The following TTN variants were observed in gnomAD, a reference collection of about 807,000 sequenced individuals.
TTN encodes connectin.
Under a neutral mutation model 3,223.0 loss-of-function variants are expected in TTN, and 1,525 were observed. The ratio of observed to expected loss-of-function variants is 0.47; its 90% CI spans 0.45 to 0.49. TTN has a LOEUF of 0.49. TTN is among the 20% of genes least tolerant of loss of function. The pLI, the probability that TTN is intolerant of heterozygous loss-of-function variation, is 0.00. For missense variants in TTN, 40,786 were observed against 43,424.0 expected, an observed-to-expected ratio of 0.94 and a Z score of 5.40; for synonymous variants, 14,094 against 15,161.0, an observed-to-expected ratio of 0.93 and a Z score of 5.17.
At position 178,653,042 on chromosome 2, in the gene TTN, T is replaced by G. The variant is rs760578741; in HGVS notation, c.38874A>C (p.Lys12958Asn). 6.8e-6 allele frequency: 11 copies of G among 1,613,194 alleles called. No individual in the cohort carries two copies. Among genetic ancestry groups the G allele is most frequent in the Non-Finnish European group, 9.3e-6 (11 of 1,179,506 alleles). ...AAGCCTAAAGCCAGTGACAAATACC[T>G]TTAACAGGTGGGACTTCAGGTTTTT... ...PPKKPEVPPV[K>N]VPEAPIEVVP... Residue 12958 changes from lysine to asparagine, a missense_variant and splice_region_variant, in exon 199 of 363, where the codon AAA becomes AAC. Transcript: ENST00000589042.
intron 13 of TTN, among the ~76,000 whole-genome samples, chr2:178,788,981 C>A (rs74557428): frequency 6.6e-6 from 1 of 151,944 alleles, no homozygotes; most frequent in Non-Finnish European, 1.5e-5. Flanking sequence ...CCCTTCAAAA[C>A]ACACATCTTC....
chr2:178,756,545 C>T lies in TTN; in HGVS notation c.10931G>A (p.Ser3644Asn), dbSNP rs78535378. Residue 3644 changes from serine to asparagine, a missense_variant, in exon 46 of 363, where the codon AGC becomes AAC. Ser to Asn is a conservative substitution (Grantham distance 46, BLOSUM62 1). Transcript: ENST00000589042. ...AGCACATTCCTTAGATAGCTCAGTG[C>T]TTTCTGCAATTTGTGAAAGGGATGC... is the stretch of plus-strand genomic sequence containing the variant. ...HTASLSQIAE[S>N]TELSKECAKE... 6,087 of 1,611,698 alleles carry T rather than the reference C, an allele frequency of 3.8e-3. 199 individuals are homozygous for T. The East Asian group carries it at 0.083, about 22-fold the overall frequency.
In TTN at chr2:178,675,686, C is replaced by A; in HGVS notation, c.34522G>T (p.Ala11508Ser). 1 of 1,419,074 alleles carries A rather than the reference C, an allele frequency of 7.0e-7. No homozygotes were observed. The highest frequency in any genetic ancestry group is 1.4e-5 in the African/African-American group (1 of 69,456). 87.9% of individuals were successfully genotyped at this position (1,419,074 alleles called of 1,614,324 possible). ...GATGATGTACCTTTGGCAGGAGGGG[C>A]CACTGCTTTCTTAAGACCAGGAGGA... ...VPPPGLKKAV[A>S]PPAKVPEVPK... is the part of the protein sequence containing the mutation. Residue 11508 changes from alanine to serine, a missense_variant, in exon 149 of 363, where the codon GCC becomes TCC. Transcript: ENST00000589042.
In TTN at chr2:178,615,757, G is replaced by C; in HGVS notation, c.48344C>G (p.Thr16115Arg). Residue 16115 changes from threonine to arginine, a missense_variant, in exon 258 of 363, where the codon ACA becomes AGA. Thr to Arg is a moderately conservative substitution (Grantham distance 71, BLOSUM62 -1). Transcript: ENST00000589042. ...VMDFVTDLEFTVPDLVQGKEY... is the reference protein window; with the variant it reads ...VMDFVTDLEFRVPDLVQGKEY... Reference sequence around the variant, plus strand: ...TTTTCCTTGAACAAGATCAGGAACTGTGAATTCTAGATCAGTCACAAAGTC... The same window carrying C: ...TTTTCCTTGAACAAGATCAGGAACTCTGAATTCTAGATCAGTCACAAAGTC... 1 of 1,611,932 alleles carries C rather than the reference G, an allele frequency of 6.2e-7. No individual in the cohort carries two copies. The highest frequency in any genetic ancestry group is 8.5e-7 in the Non-Finnish European group (1 of 1,178,710).
In TTN at chr2:178,531,290, A is replaced by G. The variant is rs762501352; in HGVS notation, c.105325T>C (p.Leu35109=). ...TTTTCTTCCAGTGACTTTTCTTCTA[A>G]TGCAGCACTTTTCATTTCTGCAGAT... ...SASAEMKSAA[L]EEKSLEEKST... is the part of the protein sequence containing the mutation. The change falls in exon 358 of 363, where the codon TTA becomes CTA. Residue 35109 remains leucine (L), a synonymous_variant. Transcript: ENST00000589042. 2 of 1,613,830 alleles carry G rather than the reference A, an allele frequency of 1.2e-6. No homozygotes were observed. The highest frequency in any genetic ancestry group is 4.5e-5 in the East Asian group (2 of 44,898).
chr2:178,568,528 A>G lies in TTN; in HGVS notation c.77604T>C (p.Tyr25868=), dbSNP rs752137856. Residue 25868 remains tyrosine, a synonymous_variant, in exon 326 of 363, where the codon TAT becomes TAC. Coordinates refer to ENST00000589042, the MANE Select transcript of TTN (RefSeq NM_001267550.2). ...CAACAACATTGGCAACTGTGATTCCATATTGTCCACCATCATCCTTATGAG... is the reference window on the plus strand; with the variant it reads ...CAACAACATTGGCAACTGTGATTCCGTATTGTCCACCATCATCCTTATGAG... The part of the protein sequence containing the change: ...KETHKDDGGQ[Y]GITVANVVGQ... The G allele has an allele frequency of 2.5e-5, 40 of 1,613,292 alleles. No homozygotes were observed. The highest frequency in any genetic ancestry group is 3.4e-5 in the Non-Finnish European group (40 of 1,179,556).
intron 135 of TTN, among the ~76,000 whole-genome samples, chr2:178,682,492 A>T (rs1345941774): frequency 2.6e-5 from 4 of 152,066 alleles, no homozygotes; most frequent in Admixed American, 2.6e-4. Flanking sequence ...AAAGTCTAAC[A>T]ATAACCTTAA....
chr2:178,771,140 G>A (rs907858536), intron 34 of TTN, 71 bp downstream of exon 34: 33 of 1,606,932 alleles, frequency 2.1e-5, no homozygotes, highest in Middle Eastern at 2.2e-4. Context: ...TGGCCATATC[G>A]TTTGTCTTTT....
At chr2:178,668,876 C>T (rs2066445789) in intron 159 of TTN, among the ~76,000 whole-genome samples, 1 of 150,806 alleles carries the variant, frequency 6.6e-6, no homozygotes, top group Non-Finnish European at 1.5e-5. Flanking sequence ...TATGAAACCC[C>T]CCCCCAAAAA....
chr2:178,751,492 C>A (rs1561039060), intron 47 of TTN: 8 of 1,613,210 alleles, frequency 5.0e-6, no homozygotes, highest in Non-Finnish European at 5.9e-6. Context: ...AGCCAGTAAA[C>A]CTCAGGTCAA....
chr2:178,644,521 G>A (rs1282284431), intron 218 of TTN, 27 bp downstream of exon 218: 1 of 1,541,536 alleles, frequency 6.5e-7, no homozygotes, highest in Non-Finnish European at 8.7e-7. Context: ...TACTACATAA[G>A]TATGTATTTT....
rs769730131 is a variant in TTN, at chr2:178,604,292, A to T, written c.54395T>A (p.Ile18132Asn). The T allele has an allele frequency of 6.8e-7, 1 of 1,462,284 alleles. No homozygotes were observed. The highest frequency in any genetic ancestry group is 2.4e-5 in the East Asian group (1 of 42,026). The allele number at this position is 1,462,284 out of a possible 1,614,324, so 90.6% of individuals were successfully genotyped here. A position where few individuals can be genotyped will look rare whatever the true frequency, so the allele number is the denominator to read the frequency against. ...TCGGAACTCATACTGACCATTGGGG[A>T]TAAGTTTCCAGATCTAGAAATTAGA... ...VEKRYGIWKL[I>N]PNGQYEFRVR... The change falls in exon 282 of 363, where the codon ATC becomes AAC. Residue 18132 changes from isoleucine to asparagine, a missense_variant. Coordinates refer to ENST00000589042, the MANE Select transcript of TTN (RefSeq NM_001267550.2).
At position 178,702,157 on chromosome 2, in the gene TTN, C is replaced by T. The variant is rs1179063826; in HGVS notation, c.30511+11G>A. 3.1e-6 allele frequency: 5 copies of T among 1,613,850 alleles called. No individual in the cohort carries two copies. Among genetic ancestry groups the T allele is most frequent in the East Asian group, 2.2e-5 (1 of 44,882 alleles). On this transcript the variant is annotated intron_variant, in intron 108 of 362. Transcript: ENST00000589042. ...AGATGGCAGGGTGGCTTTCTGATGG[C>T]GCTACCTCACCTTTCGTCGTTAGGT...
At chr2:178,676,181 T>G in intron 147 of TTN, 186 bp from the exon 148 acceptor site, 1 of 556,546 alleles carries the variant, frequency 1.8e-6, no homozygotes, top group Non-Finnish European at 3.2e-6. Flanking sequence ...GCAGCATATG[T>G]CATTATCAGA....
In TTN at chr2:178,732,066, C is replaced by T. The variant is rs2080636115; in HGVS notation, c.16903G>A (p.Glu5635Lys). ...CACAAGAGGCAAAGTGAACACAAAC[C>T]TTTGACTATTACAATGCTACTGCAG... is the stretch of plus-strand genomic sequence containing the variant. ...DHCSSIVIVK[E>K]SPYFTKEFKP... The change falls in exon 57 of 363, where the codon GAG becomes AAG. Residue 5635 changes from glutamate to lysine, a missense_variant and splice_region_variant. Glu to Lys is a moderately conservative substitution (Grantham distance 56). Transcript: ENST00000589042. 4.4e-6 allele frequency: 7 copies of T among 1,600,182 alleles called. No homozygotes were observed. Among genetic ancestry groups the T allele is most frequent in the East Asian group, 4.5e-5 (2 of 44,640 alleles).
At chr2:178,750,198 C>A in intron 47 of TTN, 1 of 1,613,128 alleles carries the variant, frequency 6.2e-7, no homozygotes, top group African/African-American at 1.3e-5. Flanking sequence ...GGATGGGCGC[C>A]TTTTGCTTGG....
chr2:178,543,685 C>G, intron 346 of TTN, 23 bp from the exon 347 acceptor site: 2 of 1,549,184 alleles, frequency 1.3e-6, no homozygotes. Flanking sequence ...ATGAAAGATT[C>G]ATATTTCCTA....
chr2:178,772,163 A>G (rs2091604429), intron 33 of TTN, among the ~76,000 whole-genome samples: 1 of 152,212 alleles, frequency 6.6e-6, no homozygotes, highest in Non-Finnish European at 1.5e-5. Context: ...TTCATAGTTT[A>G]TTCCTGTTTC....
rs794729593 is a variant in TTN, at chr2:178,749,111, C to T, written c.11311+4013G>A. 3.1e-6 allele frequency: 5 copies of T among 1,612,692 alleles called. No individual in the cohort carries two copies. The highest frequency in any genetic ancestry group is 1.3e-5 in the African/African-American group (1 of 74,850). ...GGCAGATGAATCTTTTGTATTGTAA[C>T]TGTCAGAAATTCTCTCAGAGTGAAT... On this transcript the variant is annotated intron_variant, in intron 47 of 362. Transcript: ENST00000589042.
Sources: gnomAD v4.1 joint callset for allele counts (sites outside exome capture counted in the v4.1 genomes callset) on GRCh38, gnomAD v4.1.1 for gene constraint, MANE v1.5 for transcripts, NCBI Gene and HGNC (gene_info 2026-07-23, HGNC 2026-07-21) for gene names.